The following ANKFN1 variants were observed in gnomAD, a reference collection of about 807,000 sequenced individuals.
The protein encoded by ANKFN1 is ankyrin repeat and fibronectin type III domain containing 1, also known as ankyrin repeat and fibronectin type-III domain-containing protein 1.
In ANKFN1, 74 loss-of-function variants were observed where a neutral mutation model predicts 108.7. The ratio of observed to expected loss-of-function variants is 0.68; its 90% CI spans 0.56 to 0.83. The LOEUF (loss-of-function observed/expected upper bound fraction) is 0.83, where lower values mean the gene tolerates loss of function less well. ANKFN1 is among the 40% of genes least tolerant of loss of function. The probability of loss-of-function intolerance (pLI) is 0.00; values close to 1 mark genes in which losing one functional copy is unlikely to be tolerated. For synonymous variants in ANKFN1, 547 were observed against 516.2 expected (o/e 1.06, Z -0.81); for missense variants, 1,505 against 1,382.3 (o/e 1.09, Z -1.41).
At chr17:56,159,644 T>A (rs1345560020) in intron 1 of ANKFN1, among the ~76,000 whole-genome samples, 3 of 152,236 alleles carry the variant, frequency 2.0e-5, no homozygotes, top group African/African-American at 7.2e-5. Context: ...CACTCTAACC[T>A]CTACCCTCCC....
At chr17:56,277,613 A>G (rs892540973) in intron 3 of ANKFN1, among the ~76,000 whole-genome samples, 6 of 152,178 alleles carry the variant, frequency 3.9e-5, no homozygotes, top group African/African-American at 1.4e-4. Flanking sequence ...TGGTGTACAA[A>G]GTCTCATGAT....
rs574217540 is a variant in ANKFN1, at chr17:56,377,384, G to A, written c.910+2670G>A. On this transcript the variant is annotated intron_variant, in intron 8 of 20. Coordinates refer to ENST00000682825, the MANE Select transcript of ANKFN1 (RefSeq NM_001370326.1). Reference sequence around the variant, plus strand: ...ACCAGGCCAACTGCCATCACAACTCGGAGATTAAAGGCATCAATTTCCACA... The same window carrying A: ...ACCAGGCCAACTGCCATCACAACTCAGAGATTAAAGGCATCAATTTCCACA... 8.1e-4 allele frequency among the ~76,000 whole-genome samples: 123 copies of A among 152,266 alleles called. 3 individuals are homozygous for A. In the South Asian group the frequency reaches 0.023, roughly 28 times the overall value.
chr17:56,152,752 A>G (rs1908737171), upstream of ANKFN1, among the ~76,000 whole-genome samples: 1 of 152,194 alleles, frequency 6.6e-6, no homozygotes, highest in South Asian at 2.1e-4. Context: ...ACCACTGCTC[A>G]ACATACTCCT....
At chr17:56,305,278 A>G (rs2044788490) in intron 3 of ANKFN1, among the ~76,000 whole-genome samples, 1 of 152,242 alleles carries the variant, frequency 6.6e-6, no homozygotes, top group South Asian at 2.1e-4. Context: ...ACACATGGTG[A>G]TTATGAGAAC....
intron 4 of ANKFN1, among the ~76,000 whole-genome samples, chr17:56,048,702 G>C (rs1904722017): frequency 6.6e-6 from 1 of 152,200 alleles, no homozygotes; most frequent in Non-Finnish European, 1.5e-5. Flanking sequence ...AGGAAAGGTA[G>C]AAGATCTCTA....
At chr17:56,248,864 T>G (rs568376751) in intron 3 of ANKFN1, among the ~76,000 whole-genome samples, 11 of 151,852 alleles carry the variant, frequency 7.2e-5, no homozygotes, top group African/African-American at 2.4e-4. Flanking sequence ...AGTAAGAGAG[T>G]AGGGAAGTGA....
chr17:56,384,116 A>G (rs2047188263), intron 8 of ANKFN1, among the ~76,000 whole-genome samples: 1 of 152,206 alleles, frequency 6.6e-6, no homozygotes, highest in Non-Finnish European at 1.5e-5. Flanking sequence ...AGCACATCAA[A>G]AAGCTTATCC....
intron 3 of ANKFN1, among the ~76,000 whole-genome samples, chr17:56,290,781 C>G (rs1345879559): frequency 6.6e-6 from 1 of 152,118 alleles, no homozygotes; most frequent in East Asian, 1.9e-4. Flanking sequence ...TGACCCCTCT[C>G]ATCTCAATTT....
chr17:56,065,596 AC>A (rs1420054657), intron 4 of ANKFN1, among the ~76,000 whole-genome samples: 2 of 152,216 alleles, frequency 1.3e-5, no homozygotes, highest in African/African-American at 4.8e-5. Context: ...TTTTGGGGTT[AC>A]TAATTGGCCT....
At chr17:56,078,169 GTCT>G (rs1905202618) in intron 4 of ANKFN1, among the ~76,000 whole-genome samples, 1 of 152,024 alleles carries the variant, frequency 6.6e-6, no homozygotes, top group African/African-American at 2.4e-5. Context: ...GCTACTTTTA[GTCT>G]TCTTCATGCA....
chr17:56,408,638 A>G (rs2047994567), intron 8 of ANKFN1, among the ~76,000 whole-genome samples: 1 of 152,230 alleles, frequency 6.6e-6, no homozygotes, highest in Non-Finnish European at 1.5e-5. Flanking sequence ...TGGACTAATG[A>G]AAGATTTTAT....
At chr17:56,132,873 A>C (rs1008821900) in intron 4 of ANKFN1, among the ~76,000 whole-genome samples, 1 of 151,764 alleles carries the variant, frequency 6.6e-6, no homozygotes, top group African/African-American at 2.4e-5. Flanking sequence ...TCTCCCAAAG[A>C]CTCCACCTCC....
intron 6 of ANKFN1, among the ~76,000 whole-genome samples, chr17:56,357,304 A>T (rs550891338): frequency 6.6e-6 from 1 of 152,228 alleles, no homozygotes; most frequent in Non-Finnish European, 1.5e-5. Flanking sequence ...ACCCTACAGG[A>T]TAAAGTTATT....
At chr17:56,180,009 C>T (rs73991429) in intron 1 of ANKFN1, among the ~76,000 whole-genome samples, 3,127 of 152,184 alleles carry the variant, frequency 0.021, 81 homozygotes, top group African/African-American at 0.059. Context: ...ACTGAATACT[C>T]GTATGTGAAT....
chr17:56,115,548 A>C (rs1906216813), intron 4 of ANKFN1, among the ~76,000 whole-genome samples: 1 of 152,332 alleles, frequency 6.6e-6, no homozygotes, highest in African/African-American at 2.4e-5. Flanking sequence ...GAAAACAAAC[A>C]AAACAGTTAT....
chr17:56,284,958 GA>G (rs1279951794), intron 3 of ANKFN1, among the ~76,000 whole-genome samples: 6 of 152,234 alleles, frequency 3.9e-5, no homozygotes, highest in African/African-American at 1.4e-4. Flanking sequence ...ATGTCAGAAA[GA>G]ACCTAAATTA....
Position 56,485,749 on chromosome 17 carries a change from T to C in ANKFN1, c.2260+3225T>C, listed in dbSNP as rs182958076. 1.8e-3 allele frequency among the ~76,000 whole-genome samples: 268 copies of C among 152,338 alleles called. 2 individuals carry two copies. The highest frequency in any genetic ancestry group is 3.2e-3 in the Non-Finnish European group (216 of 68,038). ...TGTTTTTCATGGGACCTATTAATAA[T>C]CCATAGAACATATACTTTGGGATGT... is the stretch of plus-strand genomic sequence containing the variant. On this transcript the variant is annotated intron_variant, in intron 18 of 20. Coordinates refer to ENST00000682825, the MANE Select transcript of ANKFN1 (RefSeq NM_001370326.1).
chr17:56,068,498 C>T (rs181263773), intron 4 of ANKFN1, among the ~76,000 whole-genome samples: 4 of 152,212 alleles, frequency 2.6e-5, no homozygotes, highest in Admixed American at 2.6e-4. Context: ...CATTGTCTCC[C>T]ACTGACTGAG....
At chr17:56,346,991 A>T (rs2046122080) in intron 4 of ANKFN1, among the ~76,000 whole-genome samples, 1 of 151,908 alleles carries the variant, frequency 6.6e-6, no homozygotes, top group South Asian at 2.1e-4. Context: ...TTATTTTATC[A>T]TTTATGAAAA....
Sources: gnomAD v4.1 joint callset for allele counts (sites outside exome capture counted in the v4.1 genomes callset) on GRCh38, gnomAD v4.1.1 for gene constraint, MANE v1.5 for transcripts, NCBI Gene and HGNC (gene_info 2026-07-23, HGNC 2026-07-21) for gene names.